YJU2B: variants seen among roughly 807,000 people sequenced by gnomAD.
YJU2B encodes YJU2 splicing factor homolog B.
YJU2B carries 18 observed loss-of-function variants against 38.0 expected under a neutral mutation model. The ratio of observed to expected loss-of-function variants is 0.47; its 90% CI spans 0.33 to 0.70. YJU2B has a LOEUF of 0.70. Ranked by LOEUF, YJU2B falls within the 30% of genes least tolerant of loss-of-function variation. The pLI, the probability that YJU2B is intolerant of heterozygous loss-of-function variation, is 0.02. For missense variants in YJU2B, 538 were observed against 556.3 expected (o/e 0.97, Z 0.33); for synonymous variants, 246 against 225.4 (o/e 1.09, Z -0.82).
At position 13,762,637 on chromosome 19, in the gene YJU2B, T is replaced by G; in HGVS notation, c.760T>G (p.Ser254Ala). 2 of 1,540,802 alleles carry G rather than the reference T, an allele frequency of 1.3e-6. No homozygotes were observed. The highest frequency in any genetic ancestry group is 2.5e-5 in the South Asian group (2 of 80,812). The change falls in exon 10 of 10, where the codon TCC (serine) becomes GCC (alanine). Residue 254 changes from serine (S) to alanine (A), a missense_variant. Transcript: ENST00000221554. ...CAAGCGGACCGAGATCATCAGCCGC[T>G]CCTGGTTCCCCTCTGCCCCCGGATC... Reference protein sequence around the residue: ...KLKRTEIISRSWFPSAPGSAS... With the variant: ...KLKRTEIISRAWFPSAPGSAS...
At position 13,756,274 on chromosome 19, in the gene YJU2B, C is replaced by T; in HGVS notation, c.135C>T (p.Ile45=). 2.5e-6 allele frequency: 4 copies of T among 1,613,854 alleles called. No individual in the cohort carries two copies. The highest frequency in any genetic ancestry group is 1.3e-5 in the African/African-American group (1 of 75,038). ...RARKLSQGIL[I]IRFEMPYNIW... ...GGAAGCTGTCACAGGGCATCCTCAT[C>T]ATCCGGTAAGGCCCAGCATCACCTG... The change falls in exon 4 of 10, where the codon ATC becomes ATT. Residue 45 remains isoleucine (I), a synonymous_variant. Transcript: ENST00000221554.
At chr19:13,759,041 C>T (rs755256231) in intron 7 of YJU2B, 31 bp downstream of exon 7, 19 of 1,611,800 alleles carry the variant, frequency 1.2e-5, no homozygotes, top group Admixed American at 3.4e-5. Flanking sequence ...TGCCTGGGGG[C>T]CCTGGCCCTG....
Position 13,756,236 on chromosome 19 carries a change from C to A in YJU2B, c.97C>A (p.Arg33=), listed in dbSNP as rs746627348. 1 of 1,613,984 alleles carries A rather than the reference C, an allele frequency of 6.2e-7. No homozygotes were observed. Among genetic ancestry groups the A allele is most frequent in the Admixed American group, 1.7e-5 (1 of 59,990 alleles). Residue 33 remains arginine, a synonymous_variant, in exon 4 of 10, where the codon CGG becomes AGG. Transcript: ENST00000221554. ...CCGATACCACAACAGCCACCCGCTT[C>A]GGGAGCGGGCTCGGAAGCTGTCACA... ...LNRYHNSHPL[R]ERARKLSQGI...
rs558287682 is a variant in YJU2B, at chr19:13,732,990, C to T, written c.-202+705C>T. On this transcript the variant is annotated intron_variant, in intron 2 of 10. Transcript: ENST00000586600. Reference sequence around the variant, plus strand: ...TGTCACCCAGGCTGGAGTGCAGTGGCGCGATCTCGGCTCACTGCAAGCTCT... The same window carrying T: ...TGTCACCCAGGCTGGAGTGCAGTGGTGCGATCTCGGCTCACTGCAAGCTCT... Among the ~76,000 whole-genome samples, 35 of 149,440 alleles carry T rather than the reference C, an allele frequency of 2.3e-4. 2 individuals are homozygous for T. The South Asian group carries it at 7.2e-3, about 31-fold the overall frequency.
chr19:13,737,210 G>A (rs1186625758), intron 2 of YJU2B, among the ~76,000 whole-genome samples: 2 of 151,850 alleles, frequency 1.3e-5, no homozygotes, highest in Admixed American at 6.6e-5. Flanking sequence ...AACTTTTTTT[G>A]TAGAGCATCT....
chr19:13,762,655 C>T lies in YJU2B; in HGVS notation c.778C>T (p.Pro260Ser), dbSNP rs757395593. Residue 260 changes from proline (P) to serine (S), a missense_variant, in exon 10 of 10, where the codon CCC (proline) becomes TCC (serine). Physicochemically the swap from Pro to Ser is moderately conservative, Grantham distance 74 (BLOSUM62 -1). Transcript: ENST00000221554. ...CAGCCGCTCCTGGTTCCCCTCTGCC[C>T]CCGGATCCGCCTCCAGCAGCAAGGT... The part of the protein sequence containing the change: ...IISRSWFPSA[P>S]GSASSSKVSG... The T allele has an allele frequency of 6.4e-7, 1 of 1,565,104 alleles. No individual in the cohort carries two copies. Among genetic ancestry groups the T allele is most frequent in the South Asian group, 1.2e-5 (1 of 85,304 alleles).
intron 1 of YJU2B, among the ~76,000 whole-genome samples, chr19:13,750,201 T>C (rs1023867327): frequency 6.6e-6 from 1 of 152,076 alleles, no homozygotes; most frequent in Non-Finnish European, 1.5e-5. Flanking sequence ...TGACTATGGA[T>C]TGGATGGTTA....
chr19:13,746,612 A>G (rs1258877287), upstream of YJU2B, among the ~76,000 whole-genome samples: 3 of 152,200 alleles, frequency 2.0e-5, no homozygotes, highest in Non-Finnish European at 4.4e-5. Context: ...AAGACTCCAA[A>G]AAGGATCAGA....
chr19:13,756,232 G>A lies in YJU2B; in HGVS notation c.93G>A (p.Pro31=), dbSNP rs369672755. ...GSLNRYHNSH[P]LRERARKLSQ... ...TCAACCGATACCACAACAGCCACCC[G>A]CTTCGGGAGCGGGCTCGGAAGCTGT... Residue 31 remains proline, a synonymous_variant, in exon 4 of 10, where the codon CCG becomes CCA. Transcript: ENST00000221554. 1.7e-5 allele frequency: 27 copies of A among 1,613,916 alleles called. No individual in the cohort carries two copies. Among genetic ancestry groups the A allele is most frequent in the Middle Eastern group, 1.6e-4 (1 of 6,084 alleles).
chr19:13,748,674 C>T (rs750380103), intron 1 of YJU2B, among the ~76,000 whole-genome samples: 2 of 152,144 alleles, frequency 1.3e-5, no homozygotes, highest in African/African-American at 2.4e-5. Context: ...GTCTTGTCGT[C>T]GTCATTCGCC....
chr19:13,756,402 C>A, intron 4 of YJU2B, 123 bp downstream of exon 4: 1 of 734,996 alleles, frequency 1.4e-6, no homozygotes, highest in South Asian at 1.5e-5. Context: ...AGAAAGTCAC[C>A]GTATCAGTCA....
In YJU2B at chr19:13,762,678, G is replaced by A; in HGVS notation, c.801G>A (p.Lys267=). 1.3e-6 allele frequency: 2 copies of A among 1,598,982 alleles called. No individual in the cohort carries two copies. Among genetic ancestry groups the A allele is most frequent in the Non-Finnish European group, 1.7e-6 (2 of 1,177,366 alleles). ...PSAPGSASSS[K]VSGVLKKLAQ... is the part of the protein sequence containing the mutation. ...CCCCCGGATCCGCCTCCAGCAGCAA[G>A]GTCAGCGGCGTCCTGAAGAAGCTGG... The change falls in exon 10 of 10, where the codon AAG becomes AAA. Residue 267 remains lysine (K), a synonymous_variant. Transcript: ENST00000221554.
At chr19:13,734,300 T>G (rs1484119052) in intron 2 of YJU2B, among the ~76,000 whole-genome samples, 7 of 152,088 alleles carry the variant, frequency 4.6e-5, no homozygotes, top group African/African-American at 9.7e-5. Flanking sequence ...GAGATTGTTT[T>G]TTTTTTTTTG....
At chr19:13,752,198 A>G (rs1309372579) in intron 2 of YJU2B, among the ~76,000 whole-genome samples, 1 of 151,626 alleles carries the variant, frequency 6.6e-6, no homozygotes, top group African/African-American at 2.4e-5. Flanking sequence ...CAAGTGATCC[A>G]CTACACTCAA....
intron 1 of YJU2B, among the ~76,000 whole-genome samples, chr19:13,748,932 G>A (rs1225665908): frequency 1.3e-5 from 2 of 152,166 alleles, no homozygotes; most frequent in African/African-American, 4.8e-5. Flanking sequence ...GTTTATATCC[G>A]GGACTTTGCA....
upstream of YJU2B, among the ~76,000 whole-genome samples, chr19:13,745,158 T>C (rs1599501612): frequency 6.6e-6 from 1 of 152,164 alleles, no homozygotes; most frequent in South Asian, 2.1e-4. Context: ...TCTCTGGGCC[T>C]GTCTCACCAT....
upstream of YJU2B, among the ~76,000 whole-genome samples, chr19:13,744,295 T>G (rs550085652): frequency 2.4e-4 from 36 of 152,324 alleles, no homozygotes; most frequent in South Asian, 7.0e-3. Flanking sequence ...GTCAACTGGT[T>G]AGGGGAAGTA....
At chr19:13,761,301 G>A (rs372875247) in intron 8 of YJU2B, 2 of 152,132 alleles carry the variant, frequency 1.3e-5, no homozygotes, top group South Asian at 2.1e-4. Flanking sequence ...AGAATGGCGT[G>A]AACCTGGGAG....
chr19:13,734,170 C>G lies in YJU2B; in HGVS notation c.-202+1885C>G, dbSNP rs142010223. On this transcript the variant is annotated intron_variant, in intron 2 of 10. Coordinates refer to the YJU2B transcript ENST00000586600. ...CTCAAACTCTTGGCCTCAAGAGACC[C>G]TCTCACCTCAGTTTCCCAAATTGTT... Among the ~76,000 whole-genome samples the G allele has an allele frequency of 5.0e-3, 756 of 152,270 alleles. 4 individuals carry two copies. The highest frequency in any genetic ancestry group is 0.016 in the African/African-American group (684 of 41,568).
Sources: gnomAD v4.1 joint callset for allele counts (sites outside exome capture counted in the v4.1 genomes callset) on GRCh38, gnomAD v4.1.1 for gene constraint, MANE v1.5 for transcripts, NCBI Gene and HGNC (gene_info 2026-07-23, HGNC 2026-07-21) for gene names.